The following PARD3B variants were observed in gnomAD, a reference collection of about 807,000 sequenced individuals.
PARD3B encodes partitioning defective 3 homolog B.
PARD3B carries 103 observed loss-of-function variants against 130.2 expected under a neutral mutation model. The ratio of observed to expected loss-of-function variants is 0.79; its 90% CI spans 0.67 to 0.93. The LOEUF (loss-of-function observed/expected upper bound fraction) is 0.93. Ranked by LOEUF, PARD3B falls within the 40% of genes least tolerant of loss-of-function variation. The probability of loss-of-function intolerance (pLI) is 0.00; values close to 1 mark genes in which losing one functional copy is unlikely to be tolerated. For synonymous variants in PARD3B, 583 were observed against 553.2 expected, an observed-to-expected ratio of 1.05 and a Z score of -0.76; for missense variants, 1,609 against 1,499.2, an observed-to-expected ratio of 1.07 and a Z score of -1.21.
chr2:205,239,106 A>C (rs758295503), intron 15 of PARD3B, among the ~76,000 whole-genome samples: 3 of 151,622 alleles, frequency 2.0e-5, no homozygotes, highest in Admixed American at 6.6e-5. Flanking sequence ...ACATTTTACA[A>C]ATAAGTTCAG....
At position 204,766,463 on chromosome 2, in the gene PARD3B, A is replaced by T. The variant is rs1438272937; in HGVS notation, c.222+80181A>T. Among the ~76,000 whole-genome samples the T allele has an allele frequency of 2.0e-5, 3 of 152,128 alleles. No homozygotes were observed. The East Asian group carries it at 5.8e-4, about 29-fold the overall frequency. On this transcript the variant is annotated intron_variant, in intron 2 of 22. Coordinates refer to ENST00000406610, the MANE Select transcript of PARD3B (RefSeq NM_001302769.2). ...CATGGTAACTATTGTCATTAGCCTG[A>T]AGTTTGTCATAAGTTCCTTTATATT...
intron 15 of PARD3B, among the ~76,000 whole-genome samples, chr2:205,199,111 T>C (rs544468366): frequency 2.6e-5 from 4 of 152,214 alleles, no homozygotes; most frequent in East Asian, 3.9e-4. Context: ...ATAAAGGAAT[T>C]ATAGAGAATG....
intron 18 of PARD3B, among the ~76,000 whole-genome samples, chr2:205,334,615 C>T (rs535278114): frequency 6.6e-6 from 1 of 152,198 alleles, no homozygotes; most frequent in Non-Finnish European, 1.5e-5. Context: ...GTTAGAATAT[C>T]ACCTCTGCTT....
At chr2:205,148,850 G>C (rs951483115) in intron 10 of PARD3B, among the ~76,000 whole-genome samples, 1 of 152,122 alleles carries the variant, frequency 6.6e-6, no homozygotes, top group Non-Finnish European at 1.5e-5. Flanking sequence ...ACATTTGGGA[G>C]GCAAGGCAAA....
At chr2:205,233,652 A>G (rs913255473) in intron 15 of PARD3B, among the ~76,000 whole-genome samples, 2 of 152,190 alleles carry the variant, frequency 1.3e-5, no homozygotes, top group Admixed American at 6.5e-5. Flanking sequence ...TAAACCTATC[A>G]TTAAGTTGAA....
At chr2:204,596,099 T>G (rs2033277754) in intron 1 of PARD3B, among the ~76,000 whole-genome samples, 1 of 152,202 alleles carries the variant, frequency 6.6e-6, no homozygotes, top group Non-Finnish European at 1.5e-5. Context: ...AGAATAAGTT[T>G]CATAAACAAT....
chr2:205,077,898 G>A (rs1701173493), intron 4 of PARD3B, among the ~76,000 whole-genome samples: 1 of 152,132 alleles, frequency 6.6e-6, no homozygotes, highest in African/African-American at 2.4e-5. Context: ...AGGAATTTTT[G>A]TGTTGAGGTG....
In PARD3B at chr2:205,013,861, C is replaced by T. The variant is rs561153906; in HGVS notation, c.395-33720C>T. Among the ~76,000 whole-genome samples, 153 of 152,204 alleles carry T rather than the reference C, an allele frequency of 1.0e-3. 1 individual carries two copies. The highest frequency in any genetic ancestry group is 3.7e-3 in the Admixed American group (56 of 15,294). On this transcript the variant is annotated intron_variant, in intron 3 of 22. Coordinates refer to ENST00000406610, the MANE Select transcript of PARD3B (RefSeq NM_001302769.2). Reference sequence around the variant, plus strand: ...GATCTCTACTATCTCAGTGGCAATTCCACAGCCAATGGAAGTAAGCAATGG... The same window carrying T: ...GATCTCTACTATCTCAGTGGCAATTTCACAGCCAATGGAAGTAAGCAATGG...
chr2:204,871,616 TTAAC>T (rs1248965011), intron 2 of PARD3B, among the ~76,000 whole-genome samples: 19 of 152,176 alleles, frequency 1.2e-4, no homozygotes, highest in African/African-American at 4.6e-4. Flanking sequence ...CAACTGTCAA[TTAAC>T]TAATGAATAT....
intron 2 of PARD3B, among the ~76,000 whole-genome samples, chr2:204,895,600 C>T (rs886987331): frequency 6.6e-6 from 1 of 152,004 alleles, no homozygotes; most frequent in African/African-American, 2.4e-5. Flanking sequence ...GTTTACTGAA[C>T]ATTTATTGTT....
intron 2 of PARD3B, among the ~76,000 whole-genome samples, chr2:204,789,944 C>T (rs902703182): frequency 1.3e-5 from 2 of 151,544 alleles, no homozygotes; most frequent in African/African-American, 4.9e-5. Flanking sequence ...GATCTCGGCT[C>T]ACTGCAAGCT....
chr2:205,299,562 T>TATATATATATATATATATATATATA (rs1403850769), intron 16 of PARD3B, among the ~76,000 whole-genome samples: 80 of 3,994 alleles, frequency 0.02, no homozygotes, highest in Non-Finnish European at 0.039. Flanking sequence ...TATTATATAT[T>TATATATATATATATATATATATATA]ATATATATAT....
chr2:205,168,314 A>AGTGTGTGTGT (rs374509521), intron 11 of PARD3B, among the ~76,000 whole-genome samples: 1,562 of 137,858 alleles, frequency 0.011, 14 homozygotes, highest in Middle Eastern at 0.029. Context: ...AGAGAGAGAG[A>AGTGTGTGTGT]GAGAGAGTGT....
chr2:204,934,776 G>C (rs1301053709), intron 2 of PARD3B, among the ~76,000 whole-genome samples: 1 of 152,120 alleles, frequency 6.6e-6, no homozygotes, highest in Non-Finnish European at 1.5e-5. Flanking sequence ...AACAAAGTGG[G>C]AACGGGGTAA....
chr2:204,774,441 C>T (rs2041524616), intron 2 of PARD3B, among the ~76,000 whole-genome samples: 1 of 151,980 alleles, frequency 6.6e-6, no homozygotes, highest in Non-Finnish European at 1.5e-5. Flanking sequence ...TGACCAGGAG[C>T]AGGTTTGGGA....
chr2:205,026,770 GA>G (rs1318388471), intron 3 of PARD3B, among the ~76,000 whole-genome samples: 2 of 152,136 alleles, frequency 1.3e-5, no homozygotes, highest in Non-Finnish European at 2.9e-5. Flanking sequence ...TGATTGAGAT[GA>G]GATACTCTTT....
intron 18 of PARD3B, among the ~76,000 whole-genome samples, chr2:205,334,370 C>T (rs1041169836): frequency 5.3e-5 from 8 of 152,062 alleles, no homozygotes; most frequent in Non-Finnish European, 8.8e-5. Context: ...ACAACCCATC[C>T]CCCCAAAATG....
chr2:205,301,819 A>T lies in PARD3B; in HGVS notation c.2630+118A>T. On this transcript the variant is annotated intron_variant, in intron 18 of 22. Coordinates refer to ENST00000406610, the MANE Select transcript of PARD3B (RefSeq NM_001302769.2). The surrounding 1 kb of genome is among the most constrained non-coding windows in gnomAD (Gnocchi z 5.2). ...TTTCCTCGTCTTCAGCCAAATGCAT[A>T]CGGCTCTCAATTCTGTGCTCGTTCT... The T allele has an allele frequency of 6.8e-7, 1 of 1,467,814 alleles. No homozygotes were observed. Among genetic ancestry groups the T allele is most frequent in the Non-Finnish European group, 9.6e-7 (1 of 1,046,842 alleles). The allele number at this position is 1,467,814 out of a possible 1,614,324, so 90.9% of individuals were successfully genotyped here.
At chr2:204,616,801 G>A (rs185407067) in intron 1 of PARD3B, among the ~76,000 whole-genome samples, 69 of 152,302 alleles carry the variant, frequency 4.5e-4, no homozygotes, top group African/African-American at 1.6e-3. Flanking sequence ...GAAGTCCTGC[G>A]TGTAGTGGTG....
Sources: allele counts gnomAD v4.1 joint callset (sites outside exome capture counted in the v4.1 genomes callset), GRCh38; gene constraint gnomAD v4.1.1; non-coding constraint Gnocchi (gnomAD v3.1); transcripts MANE v1.5; gene names NCBI Gene and HGNC (gene_info 2026-07-23, HGNC 2026-07-21).